The following GFRA2 variants were observed in gnomAD, a reference collection of about 807,000 sequenced individuals.
GFRA2 encodes GDNF family receptor alpha-2.
Under a neutral mutation model 48.3 loss-of-function variants are expected in GFRA2, and 17 were observed. The ratio of observed to expected loss-of-function variants is 0.35; its 90% confidence interval spans 0.24 to 0.53. The LOEUF (loss-of-function observed/expected upper bound fraction) is 0.53. GFRA2 is among the 20% of genes least tolerant of loss of function. GFRA2 has a pLI of 0.93. For synonymous variants in GFRA2, 305 were observed against 257.2 expected (o/e 1.19, Z -1.78); for missense variants, 660 against 637.3 (o/e 1.04, Z -0.38).
Position 21,705,102 on chromosome 8 carries a change from C to G in GFRA2, c.928G>C (p.Val310Leu). The G allele has an allele frequency of 6.2e-7, 1 of 1,611,068 alleles. No homozygotes were observed. Among genetic ancestry groups the G allele is most frequent in the African/African-American group, 1.3e-5 (1 of 74,914 alleles). ...MIGFDMTPNY[V>L]DSSPTGIVVS... Reference sequence around the variant, plus strand: ...ACGATGCCAGTGGGGCTGGAGTCCACATAGTTAGGTGTCATGTCAAACCCT... The same window carrying G: ...ACGATGCCAGTGGGGCTGGAGTCCAGATAGTTAGGTGTCATGTCAAACCCT... Residue 310 changes from valine (V) to leucine (L), a missense_variant, in exon 6 of 9, where the codon GTG becomes CTG. Physicochemically the swap from Val to Leu is conservative, Grantham distance 32. Coordinates refer to ENST00000524240, the MANE Select transcript of GFRA2 (RefSeq NM_001495.5).
intron 4 of GFRA2, among the ~76,000 whole-genome samples, chr8:21,731,703 C>T (rs1025339573): frequency 3.9e-5 from 6 of 152,180 alleles, no homozygotes; most frequent in African/African-American, 7.2e-5. Flanking sequence ...GTTTTCTGTG[C>T]CACAGAAAAC....
Position 21,691,577 on chromosome 8 carries a change from G to C in GFRA2, c.*1701C>G, listed in dbSNP as rs1029772788. On this transcript the variant is annotated 3_prime_UTR_variant, in exon 9 of 9. Coordinates refer to ENST00000524240, the MANE Select transcript of GFRA2 (RefSeq NM_001495.5). ...CAATCACACATCTCAAATAAGCCAGGAGTCCCAGAGGGACATACCACTTTG... is the reference window on the plus strand; with the variant it reads ...CAATCACACATCTCAAATAAGCCAGCAGTCCCAGAGGGACATACCACTTTG... 1 of 152,266 alleles carries C rather than the reference G, an allele frequency of 6.6e-6. No individual in the cohort carries two copies. The highest frequency in any genetic ancestry group is 1.5e-5 in the Non-Finnish European group (1 of 68,096). 9.4% of individuals were successfully genotyped at this position (152,266 alleles called of 1,614,324 possible).
At position 21,788,657 on chromosome 8, in the gene GFRA2, CCAGT is replaced by C; in HGVS notation, c.-502_-499del. 1 of 986,480 alleles carries C rather than the reference CCAGT, an allele frequency of 1.0e-6. No homozygotes were observed. The highest frequency in any genetic ancestry group is 1.2e-6 in the Non-Finnish European group (1 of 830,680). The allele number at this position is 986,480 out of a possible 1,614,324, so 61.1% of individuals were successfully genotyped here. Reference sequence around the variant, plus strand: ...ACGGGTGTCAGCGCCCAAGAACAATCCAGTCGGAGCTTCGAGGACGAGAGACTGG... The same window carrying C: ...ACGGGTGTCAGCGCCCAAGAACAATCCGGAGCTTCGAGGACGAGAGACTGG... On this transcript the variant is annotated 5_prime_UTR_variant, in exon 1 of 9. Transcript: ENST00000524240.
intron 3 of GFRA2, among the ~76,000 whole-genome samples, chr8:21,763,714 AC>A (rs1191817122): frequency 6.7e-6 from 1 of 149,128 alleles, no homozygotes; most frequent in East Asian, 2.0e-4. Context: ...CAAACCCTCA[AC>A]CTCTCCCAGA....
chr8:21,713,138 C>G (rs887910854), intron 4 of GFRA2, among the ~76,000 whole-genome samples: 6 of 152,100 alleles, frequency 3.9e-5, no homozygotes, highest in Admixed American at 3.3e-4. Flanking sequence ...ATTTATTTAA[C>G]TGGGCATCCA....
rs1777160650 is a variant in GFRA2 at position 21,692,351 on chromosome 8, G to C, written c.*927C>G. The C allele has an allele frequency of 6.6e-6, 1 of 152,298 alleles. No individual in the cohort carries two copies. Among genetic ancestry groups the C allele is most frequent in the South Asian group, 2.1e-4 (1 of 4,814 alleles). The allele number at this position is 152,298 out of a possible 1,614,324, so 9.4% of individuals were successfully genotyped here. On this transcript the variant is annotated 3_prime_UTR_variant, in exon 9 of 9. Coordinates refer to ENST00000524240, the MANE Select transcript of GFRA2 (RefSeq NM_001495.5). ...CGTACGTCTAGGAAATGAGGAAAGA[G>C]AAAGGGGAAAGGAGGAGGAGGGAGA...
At chr8:21,762,318 G>T (rs888223692) in intron 3 of GFRA2, among the ~76,000 whole-genome samples, 8 of 152,142 alleles carry the variant, frequency 5.3e-5, no homozygotes, top group African/African-American at 1.9e-4. Flanking sequence ...TTGCCTCCCA[G>T]TCCTCTCAGT....
Position 21,788,160 on chromosome 8 carries a change from G to A in GFRA2, c.-1C>T, listed in dbSNP as rs1483145313. 6.3e-7 allele frequency: 1 copy of A among 1,599,948 alleles called. No individual in the cohort carries two copies. The highest frequency in any genetic ancestry group is 1.4e-5 in the African/African-American group (1 of 74,006). On this transcript the variant is annotated 5_prime_UTR_variant, in exon 1 of 9. Coordinates refer to ENST00000524240, the MANE Select transcript of GFRA2 (RefSeq NM_001495.5). ...GGCAGAAGACGTTTGCCAAGATCAT[G>A]TTAAATAAATCCCACCGTTTTTTTG...
intron 2 of GFRA2, among the ~76,000 whole-genome samples, chr8:21,777,995 G>A (rs1379953821): frequency 2.6e-5 from 4 of 152,244 alleles, no homozygotes; most frequent in Middle Eastern, 3.4e-3. Flanking sequence ...CTGCCGCCAC[G>A]GGCTCTTTGC....
chr8:21,751,006 C>G (rs756957869), intron 3 of GFRA2, 64 bp from the exon 4 acceptor site: 5 of 1,089,604 alleles, frequency 4.6e-6, no homozygotes, highest in Non-Finnish European at 4.0e-6. Flanking sequence ...CAGCTGCCCC[C>G]TCACTGGAAG....
At position 21,803,451 on chromosome 8, in the gene GFRA2, A is replaced by G. The variant is rs1772638272; in HGVS notation, c.-36+1566T>C. ...AACTGGGGTGTTTGGCTAATCAGAG[A>G]GTCCTTTAGGGAACTCTGAGTCTGG... is the stretch of plus-strand genomic sequence containing the variant. On this transcript the variant is annotated intron_variant, in intron 2 of 10. Coordinates refer to the GFRA2 transcript ENST00000517328. Among the ~76,000 whole-genome samples the G allele has an allele frequency of 2.0e-5, 3 of 152,172 alleles. No homozygotes were observed. The South Asian group carries it at 6.2e-4, about 32-fold the overall frequency.
At chr8:21,751,501 C>G (rs772501068) in intron 3 of GFRA2, among the ~76,000 whole-genome samples, 1 of 152,062 alleles carries the variant, frequency 6.6e-6, no homozygotes, top group Non-Finnish European at 1.5e-5. Context: ...AACTGAAGCA[C>G]TGTGTGGGCA....
At chr8:21,773,278 C>G (rs901841836) in intron 3 of GFRA2, among the ~76,000 whole-genome samples, 4 of 152,210 alleles carry the variant, frequency 2.6e-5, no homozygotes, top group Admixed American at 2.6e-4. Context: ...CTCTGTATGA[C>G]CCCACTGGGG....
intron 4 of GFRA2, among the ~76,000 whole-genome samples, chr8:21,749,749 G>A (rs1425089489): frequency 1.3e-5 from 2 of 151,376 alleles, no homozygotes; most frequent in East Asian, 2.0e-4. Flanking sequence ...TGAGGAATGG[G>A]TCCTGGAGTC....
chr8:21,720,454 C>A (rs950935563), intron 4 of GFRA2, among the ~76,000 whole-genome samples: 1 of 152,134 alleles, frequency 6.6e-6, no homozygotes, highest in Non-Finnish European at 1.5e-5. Context: ...GGCATGCCAG[C>A]CTTGGCTGTT....
intron 1 of GFRA2, among the ~76,000 whole-genome samples, chr8:21,811,939 A>G (rs1807988826): frequency 1.3e-5 from 2 of 152,202 alleles, no homozygotes; most frequent in African/African-American, 4.8e-5. Flanking sequence ...ATGTGTGTCT[A>G]TAGTTCTGTG....
chr8:21,808,692 A>C (rs1792107224), intron 1 of GFRA2, among the ~76,000 whole-genome samples: 1 of 152,180 alleles, frequency 6.6e-6, no homozygotes. Context: ...AGGACTGACC[A>C]CCACCCAGCC....
chr8:21,728,265 G>GTTTTT (rs34490346), intron 4 of GFRA2, among the ~76,000 whole-genome samples: 18 of 65,312 alleles, frequency 2.8e-4, no homozygotes, highest in Non-Finnish European at 3.2e-4. Context: ...CGGGAACCAG[G>GTTTTT]TTTTTTTTTT....
chr8:21,729,294 C>T (rs1335821451), intron 4 of GFRA2, among the ~76,000 whole-genome samples: 2 of 152,176 alleles, frequency 1.3e-5, no homozygotes, highest in Non-Finnish European at 2.9e-5. Context: ...CACACCACTG[C>T]ACTCCAGCCT....
Sources: allele counts gnomAD v4.1 joint callset (sites outside exome capture counted in the v4.1 genomes callset), GRCh38; gene constraint gnomAD v4.1.1; transcripts MANE v1.5; gene names NCBI Gene and HGNC (gene_info 2026-07-23, HGNC 2026-07-21).